RAD54B: variants seen among roughly 807,000 people sequenced by gnomAD.
RAD54B encodes RAD54 homolog B.
RAD54B carries 78 observed loss-of-function variants against 95.8 expected under a neutral mutation model. That is an observed-to-expected ratio of 0.81 (90% CI 0.68 to 0.98). The LOEUF is 0.98. RAD54B is among the 50% of genes least tolerant of loss of function. RAD54B has a pLI of 0.00. For synonymous variants in RAD54B, 328 were observed against 354.9 expected (o/e 0.92, Z 0.85); for missense variants, 957 against 1,056.6 (o/e 0.91, Z 1.31).
intron 3 of RAD54B, among the ~76,000 whole-genome samples, chr8:94,444,987 A>C (rs912591428): frequency 7.9e-5 from 12 of 152,200 alleles, no homozygotes; most frequent in Admixed American, 2.6e-4. Flanking sequence ...CACCTGACCC[A>C]CTCACATTTA....
intron 3 of RAD54B, among the ~76,000 whole-genome samples, chr8:94,437,404 G>A (rs1382483848): frequency 1.3e-5 from 2 of 152,152 alleles, no homozygotes; most frequent in African/African-American, 4.8e-5. Context: ...TGAGCTGAGT[G>A]TTCTCCCTTA....
intron 4 of RAD54B, among the ~76,000 whole-genome samples, chr8:94,408,498 C>CTCTAA (rs1377690454): frequency 6.6e-6 from 1 of 152,050 alleles, no homozygotes; most frequent in African/African-American, 2.4e-5. Flanking sequence ...ACTTTTAAGT[C>CTCTAA]TCTAAAAATA....
Position 94,404,072 on chromosome 8 carries a change from C to A in RAD54B, c.944+5G>T. 6.4e-7 allele frequency: 1 copy of A among 1,573,888 alleles called. No homozygotes were observed. The highest frequency in any genetic ancestry group is 8.6e-7 in the Non-Finnish European group (1 of 1,159,288). ...TTAGATTAAACAAATGATTTATTTT[C>A]CTACCTCATTCCCATTACACATTCA... On this transcript the variant is annotated splice_donor_5th_base_variant and intron_variant, in intron 6 of 14. Transcript: ENST00000336148.
chr8:94,454,582 C>T (rs531187228), intron 3 of RAD54B, among the ~76,000 whole-genome samples: 68 of 141,524 alleles, frequency 4.8e-4, no homozygotes, highest in African/African-American at 1.6e-3. Context: ...AGATTTGACA[C>T]ACATCTTTTG....
At chr8:94,409,456 G>A (rs1159729341) in intron 4 of RAD54B, among the ~76,000 whole-genome samples, 2 of 151,426 alleles carry the variant, frequency 1.3e-5, no homozygotes, top group African/African-American at 2.4e-5. Flanking sequence ...CTGCAGCCTC[G>A]ATCTCCTGGG....
intron 3 of RAD54B, chr8:94,429,310 G>T: frequency 4.6e-6 from 2 of 438,630 alleles, no homozygotes; most frequent in Non-Finnish European, 6.0e-6. Context: ...ATTTTCAAGG[G>T]CTATTTTGTA....
At chr8:94,471,516 A>G (rs1402640335) in intron 1 of RAD54B, among the ~76,000 whole-genome samples, 1 of 152,194 alleles carries the variant, frequency 6.6e-6, no homozygotes, top group African/African-American at 2.4e-5. Flanking sequence ...GTATATATAC[A>G]TCTGTATATG....
rs757180812 is a variant in RAD54B at position 94,378,580 on chromosome 8, G to C, written c.2302C>G (p.Leu768Val). ...GQKYPVHIYR[L>V]LTTGTIEEKI... ...GAAGGGTTGTTACCTGTAGTTAGGA[G>C]TCTGTAAATATGTACAGGATATTTC... Residue 768 changes from leucine to valine, a missense_variant, in exon 13 of 15, where the codon CTC becomes GTC. Physicochemically the swap from Leu to Val is conservative, Grantham distance 32 (BLOSUM62 1). Coordinates refer to ENST00000336148, the MANE Select transcript of RAD54B (RefSeq NM_012415.3). 6.2e-7 allele frequency: 1 copy of C among 1,606,306 alleles called. No individual in the cohort carries two copies. Among genetic ancestry groups the C allele is most frequent in the South Asian group, 1.1e-5 (1 of 89,554 alleles).
At chr8:94,440,213 A>T (rs567109262) in intron 3 of RAD54B, among the ~76,000 whole-genome samples, 1 of 152,070 alleles carries the variant, frequency 6.6e-6, no homozygotes, top group East Asian at 1.9e-4. Context: ...AAAAAAAAAA[A>T]ATCAGAGCTT....
At chr8:94,455,016 AAC>A (rs1393931384) in intron 3 of RAD54B, among the ~76,000 whole-genome samples, 1 of 152,042 alleles carries the variant, frequency 6.6e-6, no homozygotes, top group Non-Finnish European at 1.5e-5. Context: ...ACTACCTTAA[AAC>A]AAAAACACAA....
At chr8:94,378,496 A>C in intron 13 of RAD54B, 72 bp downstream of exon 13, 5 of 1,461,624 alleles carry the variant, frequency 3.4e-6, no homozygotes, top group Non-Finnish European at 4.7e-6. Flanking sequence ...CTGACACTGA[A>C]GCACAGGCTA....
At chr8:94,384,932 C>T (rs1810834251) in intron 11 of RAD54B, among the ~76,000 whole-genome samples, 1 of 152,016 alleles carries the variant, frequency 6.6e-6, no homozygotes, top group Non-Finnish European at 1.5e-5. Context: ...GGTGAAACAC[C>T]GTCTCTACAA....
intron 2 of RAD54B, among the ~76,000 whole-genome samples, chr8:94,463,893 C>CAAAAAAAAAAAAAAAA (rs553168595): frequency 5.5e-5 from 5 of 90,956 alleles, no homozygotes; most frequent in African/African-American, 1.3e-4. Context: ...GACCCTATCT[C>CAAAAAAAAAAAAAAAA]AAAAAAAAAA....
At chr8:94,407,189 T>C (rs916808663) in intron 5 of RAD54B, among the ~76,000 whole-genome samples, 1 of 152,178 alleles carries the variant, frequency 6.6e-6, no homozygotes, top group Non-Finnish European at 1.5e-5. Context: ...ACAATTTAGA[T>C]ATGTTTCCTT....
Position 94,380,325 on chromosome 8 carries a change from T to C in RAD54B, c.2067A>G (p.Arg689=). ...GAGAGATTGGTGTTTGTCCATCAAG[T>C]CTTGTATAAGCATATCCATGACGCT... The part of the protein sequence containing the change: ...VCKRHGYAYT[R]LDGQTPISQR... Residue 689 remains arginine (R), a synonymous_variant, in exon 12 of 15, where the codon AGA becomes AGG. Transcript: ENST00000336148. 1.2e-6 allele frequency: 2 copies of C among 1,614,108 alleles called. No individual in the cohort carries two copies. Among genetic ancestry groups the C allele is most frequent in the Non-Finnish European group, 1.7e-6 (2 of 1,179,964 alleles).
chr8:94,449,557 C>T (rs1812605227), intron 3 of RAD54B, among the ~76,000 whole-genome samples: 1 of 145,326 alleles, frequency 6.9e-6, no homozygotes. Flanking sequence ...TACAGTGAGC[C>T]AAGATCGCAT....
chr8:94,372,330 T>C lies in RAD54B; in HGVS notation c.2573A>G (p.Gln858Arg), dbSNP rs1302013791. The C allele has an allele frequency of 3.1e-6, 5 of 1,613,858 alleles. No homozygotes were observed. Among genetic ancestry groups the C allele is most frequent in the Non-Finnish European group, 2.5e-6 (3 of 1,179,902 alleles). The change falls in exon 15 of 15, where the codon CAG becomes CGG. Residue 858 changes from glutamine (Q) to arginine (R), a missense_variant. Physicochemically the swap from Gln to Arg is conservative, Grantham distance 43 (BLOSUM62 1). Coordinates refer to ENST00000336148, the MANE Select transcript of RAD54B (RefSeq NM_012415.3). ...SRDCQLGPHH[Q>R]KSNSLKPLSM... Reference sequence around the variant, plus strand: ...AAGAGGTTTCAGGGAGTTAGATTTCTGGTGATGTGGACCAAGCTGACAATC... The same window carrying C: ...AAGAGGTTTCAGGGAGTTAGATTTCCGGTGATGTGGACCAAGCTGACAATC...
intron 3 of RAD54B, chr8:94,431,369 T>G: frequency 1.0e-5 from 10 of 984,654 alleles, no homozygotes; most frequent in Non-Finnish European, 1.1e-5. Context: ...AGAGAGAGAA[T>G]GGGGGTAATT....
At chr8:94,386,362 G>C (rs1215983575) in intron 11 of RAD54B, among the ~76,000 whole-genome samples, 1 of 152,152 alleles carries the variant, frequency 6.6e-6, no homozygotes, top group Non-Finnish European at 1.5e-5. Context: ...TGATGGTTTT[G>C]TCACATGGTT....
Sources: allele counts gnomAD v4.1 joint callset (sites outside exome capture counted in the v4.1 genomes callset), GRCh38; gene constraint gnomAD v4.1.1; transcripts MANE v1.5; gene names NCBI Gene and HGNC (gene_info 2026-07-23, HGNC 2026-07-21).